PGGT1B: variants seen among roughly 807,000 people sequenced by gnomAD.
PGGT1B encodes geranylgeranyl transferase type-1 subunit beta.
In PGGT1B, 30 loss-of-function variants were observed where a neutral mutation model predicts 46.1. That is an observed-to-expected ratio of 0.65 (90% confidence interval 0.49 to 0.88). PGGT1B has a LOEUF of 0.88. PGGT1B is among the 40% of genes least tolerant of loss of function. The pLI, the probability that PGGT1B is intolerant of heterozygous loss-of-function variation, is 0.00. For missense variants in PGGT1B, 376 were observed against 455.9 expected, an observed-to-expected ratio of 0.82 and a Z score of 1.60; for synonymous variants, 170 against 160.0, an observed-to-expected ratio of 1.06 and a Z score of -0.47.
In PGGT1B at chr5:115,206,955, T is replaced by C. The variant is rs1756082958; in HGVS notation, c.*5447A>G. The stretch of plus-strand genomic sequence containing the variant: ...ATGGCACTGAATTTATAAATGAACC[T>C]AAGTGGGGAAAGACATGTTTTGATG... On this transcript the variant is annotated 3_prime_UTR_variant, in exon 9 of 9. Coordinates refer to ENST00000419445, the MANE Select transcript of PGGT1B (RefSeq NM_005023.4). 6.6e-6 allele frequency: 1 copy of C among 151,758 alleles called. No homozygotes were observed. Among genetic ancestry groups the C allele is most frequent in the Non-Finnish European group, 1.5e-5 (1 of 67,830 alleles). 9.4% of individuals were successfully genotyped at this position (151,758 alleles called of 1,614,324 possible). A position where few individuals can be genotyped will look rare whatever the true frequency, so the allele number is the denominator to read the frequency against.
intron 7 of PGGT1B, among the ~76,000 whole-genome samples, chr5:115,219,078 T>C (rs1375098408): frequency 6.6e-6 from 1 of 151,794 alleles, no homozygotes; most frequent in Non-Finnish European, 1.5e-5. Context: ...TTCAAAAGAC[T>C]TTTTTGCAGA....
intron 7 of PGGT1B, among the ~76,000 whole-genome samples, chr5:115,220,621 T>C (rs1234196295): frequency 6.6e-6 from 1 of 151,928 alleles, no homozygotes; most frequent in Admixed American, 6.6e-5. Context: ...TATTTTCAAC[T>C]GTGGAGCTCT....
rs1275328143 is a variant in PGGT1B at position 115,210,964 on chromosome 5, G to C, written c.*1438C>G. On this transcript the variant is annotated 3_prime_UTR_variant, in exon 9 of 9. Transcript: ENST00000419445. ...AATCAATCATTTCTCCAAGTACACAGTGTTTCCCTTGGGAAGGACTGTTAT... is the reference window on the plus strand; with the variant it reads ...AATCAATCATTTCTCCAAGTACACACTGTTTCCCTTGGGAAGGACTGTTAT... 1 of 152,048 alleles carries C rather than the reference G, an allele frequency of 6.6e-6. No homozygotes were observed. Among genetic ancestry groups the C allele is most frequent in the East Asian group, 1.9e-4 (1 of 5,200 alleles). 9.4% of individuals were successfully genotyped at this position (152,048 alleles called of 1,614,324 possible).
chr5:115,252,992 C>T, intron 2 of PGGT1B, 145 bp downstream of exon 2: 1 of 670,322 alleles, frequency 1.5e-6, no homozygotes, highest in South Asian at 1.9e-5. Flanking sequence ...TGTATTTCAA[C>T]AGAATGGCAA....
intron 3 of PGGT1B, 25 bp from the exon 4 acceptor site, chr5:115,238,034 T>A: frequency 6.6e-7 from 1 of 1,506,240 alleles, no homozygotes; most frequent in Non-Finnish European, 9.0e-7. Flanking sequence ...AATATAGTAC[T>A]AATTAATGAA....
chr5:115,246,260 G>A (rs1747827051), intron 2 of PGGT1B, among the ~76,000 whole-genome samples: 1 of 151,722 alleles, frequency 6.6e-6, no homozygotes, highest in Non-Finnish European at 1.5e-5. Flanking sequence ...GGAGGCTGAG[G>A]CAGAAGAATT....
At chr5:115,225,732 G>T (rs758870514) in intron 6 of PGGT1B, among the ~76,000 whole-genome samples, 3 of 147,586 alleles carry the variant, frequency 2.0e-5, no homozygotes, top group African/African-American at 5.0e-5. Flanking sequence ...TGCAACCTCC[G>T]CCTCCTGGGT....
intron 5 of PGGT1B, among the ~76,000 whole-genome samples, chr5:115,234,784 C>T (rs1221769960): frequency 1.3e-5 from 2 of 151,808 alleles, no homozygotes; most frequent in African/African-American, 2.4e-5. Flanking sequence ...AAAATGAGCC[C>T]TGTGGTGTTA....
intron 5 of PGGT1B, among the ~76,000 whole-genome samples, chr5:115,233,306 G>C (rs898915274): frequency 1.5e-4 from 22 of 151,680 alleles, no homozygotes; most frequent in African/African-American, 5.1e-4. Flanking sequence ...AAGAGAAATA[G>C]TGTTAGAAAA....
At chr5:115,225,943 C>CG (rs1295079228) in intron 6 of PGGT1B, among the ~76,000 whole-genome samples, 1 of 151,906 alleles carries the variant, frequency 6.6e-6, no homozygotes, top group Admixed American at 6.6e-5. Context: ...CCACCATGCC[C>CG]GGCCAAGTGA....
intron 2 of PGGT1B, among the ~76,000 whole-genome samples, chr5:115,251,242 T>C (rs552412899): frequency 6.6e-6 from 1 of 152,216 alleles, no homozygotes; most frequent in South Asian, 2.1e-4. Context: ...GTTTGCTACA[T>C]TTTTGTGAAC....
At chr5:115,241,469 T>C (rs1262348222) in intron 3 of PGGT1B, 70 bp downstream of exon 3, 2 of 910,148 alleles carry the variant, frequency 2.2e-6, no homozygotes, top group Non-Finnish European at 3.3e-6. Context: ...CTGTGTAACT[T>C]CTTAGTTTTC....
chr5:115,243,020 A>T (rs1757396080), intron 2 of PGGT1B, among the ~76,000 whole-genome samples: 1 of 152,164 alleles, frequency 6.6e-6, no homozygotes, highest in Non-Finnish European at 1.5e-5. Flanking sequence ...TGGTTCTCTT[A>T]TCCTAAGGAC....
chr5:115,235,797 C>G (rs1342472263), intron 5 of PGGT1B, among the ~76,000 whole-genome samples: 1 of 152,058 alleles, frequency 6.6e-6, no homozygotes, highest in Non-Finnish European at 1.5e-5. Flanking sequence ...AACTCACAGG[C>G]ATTTTCATTT....
At chr5:115,226,590 C>T (rs895746262) in intron 6 of PGGT1B, among the ~76,000 whole-genome samples, 2 of 151,704 alleles carry the variant, frequency 1.3e-5, no homozygotes, top group Admixed American at 6.6e-5. Context: ...GAAAGGCACA[C>T]GAAGAAACTA....
rs1756045307 is a variant in PGGT1B, at chr5:115,205,757, T to G, written c.*6645A>C. 6.6e-6 allele frequency: 1 copy of G among 152,082 alleles called. No homozygotes were observed. Among genetic ancestry groups the G allele is most frequent in the Non-Finnish European group, 1.5e-5 (1 of 67,942 alleles). The allele number at this position is 152,082 out of a possible 1,614,324, so 9.4% of individuals were successfully genotyped here. A position where few individuals can be genotyped will look rare whatever the true frequency, so the allele number is the denominator to read the frequency against. ...TTAGTGTCAAGATAAAAGTGTGCAT[T>G]AGTACAACCTTCTTAAAAAGCAGCT... is the stretch of plus-strand genomic sequence containing the variant. On this transcript the variant is annotated 3_prime_UTR_variant, in exon 9 of 9. Coordinates refer to ENST00000419445, the MANE Select transcript of PGGT1B (RefSeq NM_005023.4).
At chr5:115,250,054 T>C (rs1288377544) in intron 2 of PGGT1B, among the ~76,000 whole-genome samples, 4 of 152,294 alleles carry the variant, frequency 2.6e-5, no homozygotes, top group African/African-American at 9.6e-5. Flanking sequence ...TCGATGTTAA[T>C]ATTATACAAG....
intron 8 of PGGT1B, among the ~76,000 whole-genome samples, chr5:115,215,840 T>C (rs999329217): frequency 1.3e-5 from 2 of 152,234 alleles, no homozygotes; most frequent in African/African-American, 4.8e-5. Flanking sequence ...TCTAGTTTCA[T>C]ATTTGTAACT....
intron 5 of PGGT1B, among the ~76,000 whole-genome samples, chr5:115,234,425 C>G (rs929841800): frequency 6.6e-6 from 1 of 151,844 alleles, no homozygotes; most frequent in Non-Finnish European, 1.5e-5. Context: ...AGTCACACTT[C>G]TCTGTATATA....
Sources: gnomAD v4.1 joint callset for allele counts (sites outside exome capture counted in the v4.1 genomes callset) on GRCh38, gnomAD v4.1.1 for gene constraint, MANE v1.5 for transcripts, NCBI Gene and HGNC (gene_info 2026-07-23, HGNC 2026-07-21) for gene names.